The following NR3C2 variants were observed in gnomAD, a reference collection of about 807,000 sequenced individuals.
NR3C2 encodes the protein nuclear receptor subfamily 3 group C member 2.
NR3C2 carries 15 observed loss-of-function variants against 86.4 expected under a neutral mutation model. The ratio of observed to expected loss-of-function variants is 0.17; its 90% CI spans 0.12 to 0.27. The LOEUF (loss-of-function observed/expected upper bound fraction) is 0.27, where lower values mean the gene tolerates loss of function less well. Ranked by LOEUF, NR3C2 falls within the 10% of genes least tolerant of loss-of-function variation. NR3C2 has a pLI of 1.00. For missense variants in NR3C2, 960 were observed against 1,195.6 expected, an observed-to-expected ratio of 0.80 and a Z score of 2.91; for synonymous variants, 458 against 450.5, an observed-to-expected ratio of 1.02 and a Z score of -0.21.
chr4:148,274,675 A>G (rs1740871802), intron 2 of NR3C2, among the ~76,000 whole-genome samples: 1 of 151,018 alleles, frequency 6.6e-6, no homozygotes, highest in African/African-American at 2.4e-5. Context: ...TAATGGACTC[A>G]GTCAATTATC....
At chr4:148,242,662 T>G (rs1447425958) in intron 3 of NR3C2, among the ~76,000 whole-genome samples, 1 of 152,220 alleles carries the variant, frequency 6.6e-6, no homozygotes, top group Non-Finnish European at 1.5e-5. Context: ...TCTAAAATTT[T>G]ACAGAAAATA....
chr4:148,238,678 G>A (rs1034143793), intron 3 of NR3C2, among the ~76,000 whole-genome samples: 2 of 152,132 alleles, frequency 1.3e-5, no homozygotes, highest in African/African-American at 4.8e-5. Flanking sequence ...CTGTATCTGG[G>A]TTTACAGCTC....
chr4:148,168,948 C>CATCA, intron 4 of NR3C2, among the ~76,000 whole-genome samples: 1 of 106,118 alleles, frequency 9.4e-6, no homozygotes, highest in Non-Finnish European at 1.9e-5. Flanking sequence ...AATTACCATG[C>CATCA]ATCACTCTAA....
intron 2 of NR3C2, among the ~76,000 whole-genome samples, chr4:148,426,412 T>A (rs928675974): frequency 2.0e-5 from 3 of 152,214 alleles, no homozygotes; most frequent in African/African-American, 2.4e-5. Flanking sequence ...TATTCCCAGC[T>A]GTGTTACTAG....
At chr4:148,212,271 G>A (rs1737320671) in intron 3 of NR3C2, among the ~76,000 whole-genome samples, 1 of 152,232 alleles carries the variant, frequency 6.6e-6, no homozygotes, top group South Asian at 2.1e-4. Context: ...CTATGTGAAG[G>A]TTGATATTTG....
chr4:148,441,224 C>T (rs1001337615), intron 1 of NR3C2, among the ~76,000 whole-genome samples: 1 of 152,224 alleles, frequency 6.6e-6, no homozygotes. Flanking sequence ...AAGGAAAAAG[C>T]TCCACTTTAA....
intron 2 of NR3C2, among the ~76,000 whole-genome samples, chr4:148,401,198 ATCTC>A (rs1241171912): frequency 1.3e-5 from 2 of 152,144 alleles, no homozygotes; most frequent in Non-Finnish European, 2.9e-5. Context: ...GAGAAAATAC[ATCTC>A]TCTCTTTCAT....
At chr4:148,442,736 G>A, upstream of NR3C2, 1 of 985,400 alleles carries the variant, frequency 1.0e-6, no homozygotes, top group Middle Eastern at 5.2e-4. Flanking sequence ...AGCCGCAGCC[G>A]CGGCGGGAGC....
intron 2 of NR3C2, among the ~76,000 whole-genome samples, chr4:148,295,597 C>A (rs1742009314): frequency 6.6e-6 from 1 of 150,496 alleles, no homozygotes; most frequent in African/African-American, 2.5e-5. Context: ...TGCCTCACTG[C>A]CAGCCTCTCC....
intron 2 of NR3C2, among the ~76,000 whole-genome samples, chr4:148,281,262 C>T (rs375134967): frequency 6.6e-6 from 1 of 152,170 alleles, no homozygotes; most frequent in South Asian, 2.1e-4. Context: ...TATTTTCCTC[C>T]ACGAAACCAG....
chr4:148,220,965 C>A (rs966632923), intron 3 of NR3C2, among the ~76,000 whole-genome samples: 1 of 152,186 alleles, frequency 6.6e-6, no homozygotes, highest in Non-Finnish European at 1.5e-5. Context: ...GGCTTTGAGG[C>A]CCTTGCCATC....
chr4:148,407,849 C>G (rs866265118), intron 2 of NR3C2, among the ~76,000 whole-genome samples: 8 of 152,166 alleles, frequency 5.3e-5, no homozygotes, highest in Non-Finnish European at 1.0e-4. Flanking sequence ...GAATGATGTT[C>G]AATCCTGACT....
intron 2 of NR3C2, among the ~76,000 whole-genome samples, chr4:148,325,444 G>A (rs1743913584): frequency 6.6e-6 from 1 of 152,106 alleles, no homozygotes; most frequent in East Asian, 1.9e-4. Context: ...CCTGTTGTTT[G>A]CCTCAACATC....
In NR3C2 at chr4:148,081,253, A is replaced by G. The variant is rs1258610420; in HGVS notation, c.*91T>C. On this transcript the variant is annotated 3_prime_UTR_variant, in exon 9 of 9. Coordinates refer to ENST00000358102, the MANE Select transcript of NR3C2 (RefSeq NM_000901.5). ...ACTGTTGAACAAGTGTGAATCAACCATCACATGTTAAAAACAGGTTTTCTT... is the reference window on the plus strand; with the variant it reads ...ACTGTTGAACAAGTGTGAATCAACCGTCACATGTTAAAAACAGGTTTTCTT... The G allele has an allele frequency of 6.7e-7, 1 of 1,493,924 alleles. No homozygotes were observed. The allele number at this position is 1,493,924 out of a possible 1,614,324, so 92.5% of individuals were successfully genotyped here. A position where few individuals can be genotyped will look rare whatever the true frequency, so the allele number is the denominator to read the frequency against.
intron 2 of NR3C2, among the ~76,000 whole-genome samples, chr4:148,333,556 GAGA>G (rs1477117558): frequency 7.3e-6 from 1 of 136,168 alleles, no homozygotes; most frequent in African/African-American, 2.7e-5. Context: ...CTAGTGATTG[GAGA>G]ATGAAAAGTT....
upstream of NR3C2, among the ~76,000 whole-genome samples, chr4:148,445,235 G>A (rs1272535010): frequency 4.6e-5 from 7 of 152,074 alleles, no homozygotes; most frequent in East Asian, 1.2e-3. Context: ...CCCACCTGCG[G>A]GGGGAGGCGA....
chr4:148,273,951 A>C (rs1394715808), intron 2 of NR3C2, among the ~76,000 whole-genome samples: 1 of 152,148 alleles, frequency 6.6e-6, no homozygotes, highest in African/African-American at 2.4e-5. Flanking sequence ...TGTGGATAAC[A>C]ATGTCAAGGG....
intron 8 of NR3C2, among the ~76,000 whole-genome samples, chr4:148,082,665 GTTTT>G (rs11381991): frequency 4.6e-5 from 6 of 130,932 alleles, no homozygotes; most frequent in Admixed American, 4.0e-4. Context: ...GCTAGCTGCA[GTTTT>G]TTTTTTTTTT....
intron 2 of NR3C2, among the ~76,000 whole-genome samples, chr4:148,318,169 T>C (rs1743324290): frequency 6.6e-6 from 1 of 151,762 alleles, no homozygotes; most frequent in South Asian, 2.1e-4. Flanking sequence ...AATGATGATT[T>C]CCAATTTCAT....
Sources: allele counts gnomAD v4.1 joint callset (sites outside exome capture counted in the v4.1 genomes callset), GRCh38; gene constraint gnomAD v4.1.1; transcripts MANE v1.5; gene names NCBI Gene and HGNC (gene_info 2026-07-23, HGNC 2026-07-21).